Variants in TAOK1 observed in about 807,000 individuals in gnomAD.
TAOK1 encodes the protein TAO kinase 1.
Under a neutral mutation model 138.3 loss-of-function variants are expected in TAOK1, and 21 were observed. The observed-to-expected ratio is 0.15, with a 90% confidence interval of 0.11 to 0.22. TAOK1 has a LOEUF of 0.22. Among genes scored for constraint, TAOK1 ranks in the 10% least tolerant of loss-of-function variants. TAOK1 has a pLI of 1.00. For missense variants in TAOK1, 651 were observed against 1,227.7 expected (o/e 0.53, Z 7.02); for synonymous variants, 361 against 398.4 (o/e 0.91, Z 1.12).
At chr17:29,406,983 A>G (rs1206779938) in intron 1 of TAOK1, among the ~76,000 whole-genome samples, 1 of 152,196 alleles carries the variant, frequency 6.6e-6, no homozygotes, top group Non-Finnish European at 1.5e-5. Context: ...CATCACAAAG[A>G]ACAAGATAGA....
At chr17:29,418,548 T>C (rs780644167) in intron 1 of TAOK1, among the ~76,000 whole-genome samples, 81 of 152,248 alleles carry the variant, frequency 5.3e-4, no homozygotes, top group Non-Finnish European at 9.3e-4. Context: ...TGTGTGGGAT[T>C]GGTTCCAGGA....
chr17:29,396,976 G>A (rs1195013665), intron 1 of TAOK1, among the ~76,000 whole-genome samples: 1 of 108,450 alleles, frequency 9.2e-6, no homozygotes, highest in Non-Finnish European at 1.7e-5. Context: ...GGGCAACAGA[G>A]TACAACTCTG....
At chr17:29,476,405 T>C (rs2030941748) in intron 4 of TAOK1, among the ~76,000 whole-genome samples, 1 of 152,136 alleles carries the variant, frequency 6.6e-6, no homozygotes, top group African/African-American at 2.4e-5. Context: ...CTTGTAAAAT[T>C]GAGGCTATGA....
At chr17:29,539,683 AC>A (rs1182866237) in intron 19 of TAOK1, among the ~76,000 whole-genome samples, 1 of 152,050 alleles carries the variant, frequency 6.6e-6, no homozygotes, top group Non-Finnish European at 1.5e-5. Flanking sequence ...TGATCCTCGT[AC>A]CTCAGCCTCC....
Position 29,534,165 on chromosome 17 carries a change from G to A in TAOK1, c.2409G>A (p.Met803Ile), listed in dbSNP as rs1200578309. ...AAGCAGAGTGCCAGGTTTTGAAGATGCAGCTGCAGCAGGAACTGGAGCTGT... is the reference window on the plus strand; with the variant it reads ...AAGCAGAGTGCCAGGTTTTGAAGATACAGCTGCAGCAGGAACTGGAGCTGT... ...AQEAECQVLK[M>I]QLQQELELLN... The change falls in exon 19 of 20, where the codon ATG (methionine) becomes ATA (isoleucine). Residue 803 changes from methionine (M) to isoleucine (I), a missense_variant. Coordinates refer to ENST00000261716, the MANE Select transcript of TAOK1 (RefSeq NM_020791.4). 6.2e-7 allele frequency: 1 copy of A among 1,613,178 alleles called. No homozygotes were observed. The highest frequency in any genetic ancestry group is 1.1e-5 in the South Asian group (1 of 90,842).
chr17:29,525,645 TC>T (rs921560914), intron 17 of TAOK1, among the ~76,000 whole-genome samples: 1 of 149,732 alleles, frequency 6.7e-6, no homozygotes, highest in African/African-American at 2.4e-5. Context: ...TCCACCCACC[TC>T]AGCTTCCCAA....
intron 3 of TAOK1, among the ~76,000 whole-genome samples, chr17:29,468,761 C>G (rs913097842): frequency 2.6e-5 from 4 of 151,992 alleles, no homozygotes; most frequent in Non-Finnish European, 5.9e-5. Context: ...GTTGGCCAGG[C>G]TGGTCTTGAA....
intron 1 of TAOK1, among the ~76,000 whole-genome samples, chr17:29,406,278 A>G (rs1360077116): frequency 6.6e-6 from 1 of 152,122 alleles, no homozygotes; most frequent in African/African-American, 2.4e-5. Context: ...ATTGAGAACC[A>G]TTTATTTAAC....
chr17:29,397,622 A>ACATGTATACATGTATACATG (rs1904661147), intron 1 of TAOK1, among the ~76,000 whole-genome samples: 1 of 60,538 alleles, frequency 1.7e-5, no homozygotes, highest in African/African-American at 1.2e-4. Context: ...AAATATATAT[A>ACATGTATACATGTATACATG]TATATATACA....
chr17:29,540,401 A>G (rs151210950), intron 19 of TAOK1, among the ~76,000 whole-genome samples: 80 of 151,906 alleles, frequency 5.3e-4, no homozygotes, highest in Middle Eastern at 3.4e-3. Flanking sequence ...GTCCCATTCT[A>G]TTGCCCAGGC....
intron 1 of TAOK1, among the ~76,000 whole-genome samples, chr17:29,414,525 C>T (rs1341234057): frequency 6.6e-6 from 1 of 152,040 alleles, no homozygotes; most frequent in Non-Finnish European, 1.5e-5. Context: ...GCTGGGATTA[C>T]AGGCGTGAAC....
In TAOK1 at chr17:29,545,223, T is replaced by C. The variant is rs543884069; in HGVS notation, c.*2201T>C. 1.3e-5 allele frequency: 2 copies of C among 152,274 alleles called. No homozygotes were observed. The highest frequency in any genetic ancestry group is 4.1e-4 in the South Asian group (2 of 4,826). 9.4% of individuals were successfully genotyped at this position (152,274 alleles called of 1,614,324 possible). A position where few individuals can be genotyped will look rare whatever the true frequency, so the allele number is the denominator to read the frequency against. ...GCTTTTAGTCGTCTCAGTATCTTTT[T>C]TGCATTCAGGTATTATAGCGTTTCC... On this transcript the variant is annotated 3_prime_UTR_variant, in exon 20 of 20. Coordinates refer to ENST00000261716, the MANE Select transcript of TAOK1 (RefSeq NM_020791.4).
rs150574830 is a variant in TAOK1, at chr17:29,465,021, A to T, written c.133-2124A>T. Among the ~76,000 whole-genome samples, 173 of 151,212 alleles carry T rather than the reference A, an allele frequency of 1.1e-3. 2 individuals carry two copies. In the East Asian group the frequency reaches 0.032, roughly 28 times the overall value. On this transcript the variant is annotated intron_variant, in intron 2 of 19. Transcript: ENST00000261716. ...TTTTTGGTAGAGACGGGGTTTCACC[A>T]AGTTGGCCAGGCTGGTCTTGAACTC...
chr17:29,427,510 C>T (rs1412738084), intron 1 of TAOK1, among the ~76,000 whole-genome samples: 2 of 141,052 alleles, frequency 1.4e-5, no homozygotes, highest in African/African-American at 2.7e-5. Flanking sequence ...ACAGGGGGAT[C>T]GCTTTGAACT....
chr17:29,453,809 GTTT>G (rs532165582), intron 2 of TAOK1, among the ~76,000 whole-genome samples: 1 of 120,234 alleles, frequency 8.3e-6, no homozygotes. Flanking sequence ...AGGTTTTTTT[GTTT>G]TTTTTTTTTT....
At chr17:29,536,574 TG>T (rs2150776105) in intron 19 of TAOK1, among the ~76,000 whole-genome samples, 1 of 150,422 alleles carries the variant, frequency 6.6e-6, no homozygotes, top group East Asian at 2.0e-4. Context: ...CACTCCAGCC[TG>T]GGCAACAGAG....
In TAOK1 at chr17:29,475,666, A is replaced by C. The variant is rs774433786; in HGVS notation, c.205-4A>C. 27 of 1,592,720 alleles carry C rather than the reference A, an allele frequency of 1.7e-5. No individual in the cohort carries two copies. In the Admixed American group the frequency reaches 4.7e-4, roughly 28 times the overall value. On this transcript the variant is annotated splice_region_variant and splice_polypyrimidine_tract_variant and intron_variant, in intron 3 of 19. Coordinates refer to ENST00000261716, the MANE Select transcript of TAOK1 (RefSeq NM_020791.4). The stretch of plus-strand genomic sequence containing the variant: ...ATAATTCTTTACCTTTTTTCTCCCC[A>C]CAGAAATGGCAGGATATTATTAAGG...
intron 1 of TAOK1, among the ~76,000 whole-genome samples, chr17:29,406,286 A>G (rs112844477): frequency 2.9e-3 from 439 of 152,258 alleles, no homozygotes; most frequent in African/African-American, 0.01. Context: ...CCATTTATTT[A>G]ACTGTTATAC....
chr17:29,432,726 T>G (rs1157636787), intron 1 of TAOK1, among the ~76,000 whole-genome samples: 1 of 151,592 alleles, frequency 6.6e-6, no homozygotes, highest in South Asian at 2.1e-4. Flanking sequence ...CCACCCACCT[T>G]GGCCTCCCAA....
Sources: allele counts gnomAD v4.1 joint callset (sites outside exome capture counted in the v4.1 genomes callset), GRCh38; gene constraint gnomAD v4.1.1; transcripts MANE v1.5; gene names NCBI Gene and HGNC (gene_info 2026-07-23, HGNC 2026-07-21).